CASZ1: variants seen among roughly 807,000 people sequenced by gnomAD.
CASZ1 encodes the protein castor zinc finger 1, also known as zinc finger protein castor homolog 1.
A neutral mutation model predicts 135.2 loss-of-function variants in CASZ1; 28 were observed. The ratio of observed to expected loss-of-function variants is 0.21; its 90% CI spans 0.15 to 0.28. The LOEUF is 0.28. Ranked by LOEUF, CASZ1 falls within the 10% of genes least tolerant of loss-of-function variation. The pLI is 1.00. For synonymous variants in CASZ1, 1,068 were observed against 1,073.4 expected (o/e 0.99, Z 0.10); for missense variants, 2,161 against 2,453.3 (o/e 0.88, Z 2.52).
intron 15 of CASZ1, 118 bp from the exon 16 acceptor site, chr1:10,648,257 C>T: frequency 1.4e-6 from 1 of 738,046 alleles, no homozygotes; most frequent in Non-Finnish European, 2.1e-6. Context: ...GTCCCCATCA[C>T]TCAGCTCCAG....
chr1:10,778,608 C>G (rs1640704447), intron 1 of CASZ1, among the ~76,000 whole-genome samples: 2 of 152,166 alleles, frequency 1.3e-5, no homozygotes, highest in South Asian at 4.1e-4. Context: ...ATTCCCAACT[C>G]CCCTCTCGCG....
In CASZ1 at chr1:10,676,672, C is replaced by T. The variant is rs1439126427; in HGVS notation, c.17-11101G>A. Among the ~76,000 whole-genome samples, 1 of 152,208 alleles carries T rather than the reference C, an allele frequency of 6.6e-6. No homozygotes were observed. The highest frequency in any genetic ancestry group is 1.9e-4 in the East Asian group (1 of 5,184). Reference sequence around the variant, plus strand: ...TTGGTGCCTGCCCTCGACCAGCCTACAGCTCAGAAACGAGCCCCTGGCCCG... The same window carrying T: ...TTGGTGCCTGCCCTCGACCAGCCTATAGCTCAGAAACGAGCCCCTGGCCCG... On this transcript the variant is annotated intron_variant, in intron 4 of 20. Transcript: ENST00000377022. This position sits in a 1 kb window ranked among gnomAD's most constrained non-coding sequence, Gnocchi z 4.5.
chr1:10,640,661 G>A (rs917806750), intron 20 of CASZ1, among the ~76,000 whole-genome samples: 4 of 152,168 alleles, frequency 2.6e-5, no homozygotes, highest in African/African-American at 9.7e-5. Context: ...GTCTTGTTGG[G>A]GTTTTCTACC....
chr1:10,650,625 C>T (rs781443095), intron 13 of CASZ1, 67 bp downstream of exon 13: 32 of 1,322,042 alleles, frequency 2.4e-5, no homozygotes, highest in Non-Finnish European at 3.2e-5. Context: ...CACATCCCCC[C>T]ACCCCCCAGC....
In CASZ1 at chr1:10,647,261, T is replaced by G. The variant is rs749942472; in HGVS notation, c.3497+540A>C. The G allele has an allele frequency of 3.0e-6, 3 of 997,482 alleles. No individual in the cohort carries two copies. The highest frequency in any genetic ancestry group is 3.6e-6 in the Non-Finnish European group (3 of 836,320). 61.8% of individuals were successfully genotyped at this position (997,482 alleles called of 1,614,324 possible). A position where few individuals can be genotyped will look rare whatever the true frequency, so the allele number is the denominator to read the frequency against. On this transcript the variant is annotated intron_variant, in intron 16 of 20. Transcript: ENST00000377022. This position sits in a 1 kb window ranked among gnomAD's most constrained non-coding sequence, Gnocchi z 4.9. The stretch of plus-strand genomic sequence containing the variant: ...TATTGAGAACAGGAAGCCGCACACA[T>G]GACAATACAAAGTCACCGTTCTCCC...
rs1557472662 is a variant in CASZ1 at position 10,654,728 on chromosome 1, C to T, written c.1666-137G>A. 1.9e-5 allele frequency: 15 copies of T among 786,058 alleles called. No homozygotes were observed. The South Asian group carries it at 2.2e-4, about 11-fold the overall frequency. 48.7% of individuals were successfully genotyped at this position (786,058 alleles called of 1,614,324 possible). On this transcript the variant is annotated intron_variant, in intron 9 of 20. Transcript: ENST00000377022. ...GGCACCTCTGACTTCAAACTGGAGGCCTCGGGATGTTGATGTAGGAAGCAG... is the reference window on the plus strand; with the variant it reads ...GGCACCTCTGACTTCAAACTGGAGGTCTCGGGATGTTGATGTAGGAAGCAG...
At chr1:10,695,900 G>T (rs1362432864) in intron 3 of CASZ1, among the ~76,000 whole-genome samples, 1 of 152,034 alleles carries the variant, frequency 6.6e-6, no homozygotes, top group Non-Finnish European at 1.5e-5. Flanking sequence ...GAAGGACCTG[G>T]TTCTCCGTCC....
At chr1:10,674,363 C>T (rs1018265045) in intron 4 of CASZ1, among the ~76,000 whole-genome samples, 7 of 152,256 alleles carry the variant, frequency 4.6e-5, no homozygotes, top group Non-Finnish European at 1.0e-4. Context: ...GCCCAAGCCC[C>T]CACCAGCCGA....
In CASZ1 at chr1:10,739,249, G is replaced by C. The variant is rs1434985228; in HGVS notation, c.-77+21452C>G. Among the ~76,000 whole-genome samples the C allele has an allele frequency of 6.6e-6, 1 of 152,126 alleles. No individual in the cohort carries two copies. On this transcript the variant is annotated intron_variant, in intron 2 of 20. Transcript: ENST00000377022. The surrounding 1 kb of genome is among the most constrained non-coding windows in gnomAD (Gnocchi z 4.8). The stretch of plus-strand genomic sequence containing the variant: ...AGCTGCGGGACGGGTGCATTCACGA[G>C]GGGGGTGTGTGCGCCTGGGGGTCAC...
Position 10,647,985 on chromosome 1 carries a change from G to C in CASZ1, c.3313C>G (p.Pro1105Ala), listed in dbSNP as rs1455135786. ...ATVSSLEGPA[P>A]SPASVPSTPT... ...GTGGAGGGCACGGAGGCCGGGCTGG[G>C]AGCGGGCCCCTCCAGAGAGGACACC... Residue 1105 changes from proline (P) to alanine (A), a missense_variant, in exon 16 of 21, where the codon CCC (proline) becomes GCC (alanine). By Grantham distance (27) the Pro-to-Ala change is conservative. Coordinates refer to ENST00000377022, the MANE Select transcript of CASZ1 (RefSeq NM_001079843.3). The surrounding 1 kb of genome is among the most constrained non-coding windows in gnomAD (Gnocchi z 4.9). The C allele has an allele frequency of 1.4e-5, 22 of 1,606,338 alleles. No homozygotes were observed. The African/African-American group carries it at 2.8e-4, about 21-fold the overall frequency.
Position 10,720,180 on chromosome 1 carries a change from G to A in CASZ1, c.-76-14636C>T, listed in dbSNP as rs1297826774. ...ATTTCCTTGTCTATAAAATGCACGC[G>A]ATGATCGTGCCTGTCGCAGGGGGCT... On this transcript the variant is annotated intron_variant, in intron 2 of 20. Coordinates refer to ENST00000377022, the MANE Select transcript of CASZ1 (RefSeq NM_001079843.3). The surrounding 1 kb of genome is among the most constrained non-coding windows in gnomAD (Gnocchi z 5.7). Among the ~76,000 whole-genome samples the A allele has an allele frequency of 1.3e-5, 2 of 152,248 alleles. No individual in the cohort carries two copies. Among genetic ancestry groups the A allele is most frequent in the African/African-American group, 2.4e-5 (1 of 41,458 alleles).
chr1:10,651,238 T>A, intron 11 of CASZ1, 162 bp from the exon 12 acceptor site: 1 of 452,340 alleles, frequency 2.2e-6, no homozygotes, highest in Non-Finnish European at 3.7e-6. Flanking sequence ...CTCGCTCCTG[T>A]GTGGCAATTC....
rs1203738498 is a variant in CASZ1 at position 10,735,857 on chromosome 1, G to A, written c.-77+24844C>T. On this transcript the variant is annotated intron_variant, in intron 2 of 20. Transcript: ENST00000377022. The surrounding 1 kb of genome is among the most constrained non-coding windows in gnomAD (Gnocchi z 5.1). ...AGGGAGCCCAGAGGCAGTGGCTTAG[G>A]ATCAGGGGCAGCCCCAGGCACATCA... Among the ~76,000 whole-genome samples the A allele has an allele frequency of 6.6e-6, 1 of 152,176 alleles. No homozygotes were observed. Among genetic ancestry groups the A allele is most frequent in the Non-Finnish European group, 1.5e-5 (1 of 68,032 alleles).
Position 10,758,690 on chromosome 1 carries a change from TG to T in CASZ1, c.-77+2010del, listed in dbSNP as rs375018837. 6.8e-3 allele frequency among the ~76,000 whole-genome samples: 1,032 copies of T among 152,050 alleles called. 8 individuals carry two copies. Among genetic ancestry groups the T allele is most frequent in the African/African-American group, 0.024 (982 of 41,464 alleles). On this transcript the variant is annotated intron_variant, in intron 2 of 20. Coordinates refer to ENST00000377022, the MANE Select transcript of CASZ1 (RefSeq NM_001079843.3). ...AGCTCTTCTGCAGAGGAGCCAGAGGTGGGGGGAATCTGAGCCAGACAGGGTC... is the reference window on the plus strand; with the variant it reads ...AGCTCTTCTGCAGAGGAGCCAGAGGTGGGGGAATCTGAGCCAGACAGGGTC...
At chr1:10,658,106 T>C (rs577814297) in intron 7 of CASZ1, 89 of 193,302 alleles carry the variant, frequency 4.6e-4, no homozygotes, top group African/African-American at 2.0e-3. Flanking sequence ...GTGCTGGGAT[T>C]ACAGGCATGA....
chr1:10,650,777 A>G (rs1325187524), intron 12 of CASZ1, 22 bp from the exon 13 acceptor site: 2 of 1,606,422 alleles, frequency 1.2e-6, no homozygotes, highest in East Asian at 2.2e-5. Flanking sequence ...AAACCAAGGG[A>G]CTTGAGCTCA....
At chr1:10,708,676 G>A (rs1484354689) in intron 2 of CASZ1, among the ~76,000 whole-genome samples, 3 of 152,132 alleles carry the variant, frequency 2.0e-5, no homozygotes, top group Non-Finnish European at 2.9e-5. Flanking sequence ...GTCTCTCCCT[G>A]AGCCCGGCAG....
At chr1:10,693,497 C>CCAAA (rs1313766291) in intron 4 of CASZ1, among the ~76,000 whole-genome samples, 1 of 23,276 alleles carries the variant, frequency 4.3e-5, no homozygotes, top group African/African-American at 1.8e-4. Context: ...TTGCAGAGAA[C>CCAAA]AAAAAAAAAA....
chr1:10,654,681 CT>C, intron 9 of CASZ1, 90 bp from the exon 10 acceptor site: 1 of 1,281,144 alleles, frequency 7.8e-7, no homozygotes, highest in South Asian at 1.4e-5. Context: ...GGGCCACTGA[CT>C]TCCCTGCTCA....
Sources: allele counts gnomAD v4.1 joint callset (sites outside exome capture counted in the v4.1 genomes callset), GRCh38; gene constraint gnomAD v4.1.1; non-coding constraint Gnocchi (gnomAD v3.1); transcripts MANE v1.5; gene names NCBI Gene and HGNC (gene_info 2026-07-23, HGNC 2026-07-21).